The following LMCD1 variants were observed in gnomAD, a reference collection of about 807,000 sequenced individuals.
The protein encoded by LMCD1 is LIM and cysteine rich domains 1, also known as LIM and cysteine-rich domains protein 1.
A neutral mutation model predicts 42.7 loss-of-function variants in LMCD1; 32 were observed. The ratio of observed to expected loss-of-function variants is 0.75; its 90% CI spans 0.57 to 1.01. LMCD1 has a LOEUF of 1.01. LMCD1 is among the 50% of genes least tolerant of loss of function. The probability of loss-of-function intolerance (pLI) is 0.00; values close to 1 mark genes in which losing one functional copy is unlikely to be tolerated. For synonymous variants in LMCD1, 178 were observed against 184.9 expected, an observed-to-expected ratio of 0.96 and a Z score of 0.30; for missense variants, 458 against 483.1, an observed-to-expected ratio of 0.95 and a Z score of 0.49.
intron 1 of LMCD1, among the ~76,000 whole-genome samples, chr3:8,530,564 G>A (rs1187132639): frequency 5.3e-5 from 8 of 152,194 alleles, no homozygotes; most frequent in Non-Finnish European, 1.2e-4. Context: ...AGTGTGCAGG[G>A]TGCTTTGCCA....
chr3:8,506,459 G>T (rs181432208), intron 1 of LMCD1, among the ~76,000 whole-genome samples: 1 of 152,300 alleles, frequency 6.6e-6, no homozygotes, highest in East Asian at 1.9e-4. Context: ...TTTTGTGTGT[G>T]TCTTTCCTTC....
chr3:8,563,538 A>T (rs1217757660), intron 4 of LMCD1, among the ~76,000 whole-genome samples: 1 of 152,248 alleles, frequency 6.6e-6, no homozygotes, highest in Admixed American at 6.5e-5. Context: ...GAGAGAACAG[A>T]TATAAATTAG....
In LMCD1 at chr3:8,565,561, C is replaced by G; in HGVS notation, c.853C>G (p.Leu285Val). 1 of 1,614,132 alleles carries G rather than the reference C, an allele frequency of 6.2e-7. No homozygotes were observed. ...CAAGTGCTCCGAGCCGCTGGTGGAC[C>G]TCATCTACTTCTGGAAGGATGGTGC... ...CAKCSEPLVDLIYFWKDGAPW... is the reference protein window; with the variant it reads ...CAKCSEPLVDVIYFWKDGAPW... The change falls in exon 5 of 6, where the codon CTC (leucine) becomes GTC (valine). Residue 285 changes from leucine to valine, a missense_variant. Physicochemically the swap from Leu to Val is conservative, Grantham distance 32. Coordinates refer to ENST00000157600, the MANE Select transcript of LMCD1 (RefSeq NM_014583.4).
At chr3:8,532,875 T>A (rs2125022721) in intron 2 of LMCD1, 50 bp downstream of exon 2, 1 of 1,459,642 alleles carries the variant, frequency 6.9e-7, no homozygotes, top group East Asian at 2.3e-5. Flanking sequence ...TACTTGGCTG[T>A]CCTCTCGGGG....
At chr3:8,520,615 A>G (rs928207215) in intron 1 of LMCD1, among the ~76,000 whole-genome samples, 6 of 152,296 alleles carry the variant, frequency 3.9e-5, no homozygotes, top group African/African-American at 1.2e-4. Context: ...TGTGGCTCAT[A>G]GTGATGCTGG....
At chr3:8,533,888 C>G (rs568899649) in intron 2 of LMCD1, among the ~76,000 whole-genome samples, 9 of 151,826 alleles carry the variant, frequency 5.9e-5, no homozygotes, top group Non-Finnish European at 8.8e-5. Flanking sequence ...TGACTCCATT[C>G]CCTGACAGTT....
intron 2 of LMCD1, among the ~76,000 whole-genome samples, chr3:8,536,770 C>G (rs1694513846): frequency 6.6e-6 from 1 of 152,124 alleles, no homozygotes; most frequent in Non-Finnish European, 1.5e-5. Flanking sequence ...CAACCACAGA[C>G]AATATGTTAA....
At chr3:8,522,204 C>T (rs1022281153) in intron 1 of LMCD1, among the ~76,000 whole-genome samples, 4 of 152,180 alleles carry the variant, frequency 2.6e-5, no homozygotes, top group African/African-American at 9.7e-5. Flanking sequence ...CAGATTAACC[C>T]CTTTTGTTCA....
At chr3:8,548,441 G>A in intron 3 of LMCD1, 127 bp from the exon 4 acceptor site, 1 of 547,708 alleles carries the variant, frequency 1.8e-6, no homozygotes, top group Non-Finnish European at 3.1e-6. Flanking sequence ...AAAGACTGTG[G>A]GTCTTTCAGT....
At chr3:8,521,009 A>G (rs1247501085) in intron 1 of LMCD1, among the ~76,000 whole-genome samples, 2 of 152,182 alleles carry the variant, frequency 1.3e-5, no homozygotes, top group Non-Finnish European at 2.9e-5. Flanking sequence ...ACAATTCACT[A>G]TTCACGTTAG....
chr3:8,505,024 T>G (rs1294461656), intron 1 of LMCD1, among the ~76,000 whole-genome samples: 8 of 152,230 alleles, frequency 5.3e-5, no homozygotes. Context: ...AGTAACAGCA[T>G]CTACCTCCCA....
At chr3:8,526,782 A>G (rs9827267) in intron 1 of LMCD1, among the ~76,000 whole-genome samples, 66,739 of 152,060 alleles carry the variant, frequency 0.44, 15,447 homozygotes, top group Non-Finnish European at 0.51. Flanking sequence ...GTCAGCCTTC[A>G]CACAGTGCCT....
At chr3:8,505,174 G>A (rs1693854374) in intron 1 of LMCD1, among the ~76,000 whole-genome samples, 1 of 152,230 alleles carries the variant, frequency 6.6e-6, no homozygotes, top group Admixed American at 6.5e-5. Context: ...TCTGGTGAAT[G>A]AGGACACTTT....
intron 4 of LMCD1, among the ~76,000 whole-genome samples, chr3:8,559,240 A>G (rs936108900): frequency 4.6e-5 from 7 of 152,136 alleles, no homozygotes; most frequent in African/African-American, 7.2e-5. Context: ...CATGGAAGGA[A>G]ATCCAGGCCT....
At position 8,537,301 on chromosome 3, in the gene LMCD1, C is replaced by G; in HGVS notation, c.248C>G (p.Ala83Gly). Residue 83 changes from alanine to glycine, a missense_variant, in exon 3 of 6, where the codon GCT becomes GGT. Coordinates refer to ENST00000157600, the MANE Select transcript of LMCD1 (RefSeq NM_014583.4). ...GACTCCAAGTATTCCACCCTCACTG[C>G]TCGGGTGAAAGGCGGGGACGGCATC... ...LMDSKYSTLT[A>G]RVKGGDGIRI... 6.2e-7 allele frequency: 1 copy of G among 1,614,174 alleles called. No homozygotes were observed.
chr3:8,511,384 T>A (rs1178097379), intron 1 of LMCD1, among the ~76,000 whole-genome samples: 1 of 152,092 alleles, frequency 6.6e-6, no homozygotes, highest in Admixed American at 6.5e-5. Flanking sequence ...AATGAAGAAA[T>A]AAAAGGAAAG....
intron 1 of LMCD1, among the ~76,000 whole-genome samples, chr3:8,508,899 G>T (rs1414566138): frequency 6.6e-6 from 1 of 152,114 alleles, no homozygotes; most frequent in Non-Finnish European, 1.5e-5. Flanking sequence ...ACTTAGCTTT[G>T]GCCACAAGGT....
chr3:8,507,782 G>C (rs182855147), intron 1 of LMCD1, among the ~76,000 whole-genome samples: 25 of 152,302 alleles, frequency 1.6e-4, no homozygotes, highest in Admixed American at 1.6e-3. Context: ...CTCAAACTCA[G>C]GCCTCTCTGA....
intron 1 of LMCD1, among the ~76,000 whole-genome samples, chr3:8,522,964 C>T (rs73018379): frequency 0.028 from 4,303 of 152,224 alleles, 106 homozygotes; most frequent in South Asian, 0.13. Context: ...AACCAGTCCA[C>T]GGGATAAATT....
Sources: allele counts gnomAD v4.1 joint callset (sites outside exome capture counted in the v4.1 genomes callset), GRCh38; gene constraint gnomAD v4.1.1; transcripts MANE v1.5; gene names NCBI Gene and HGNC (gene_info 2026-07-23, HGNC 2026-07-21).